UNC79: variants seen among roughly 807,000 people sequenced by gnomAD.
UNC79 encodes the protein unc-79 subunit of NALCN channel complex, also known as protein unc-79 homolog.
A neutral mutation model predicts 283.1 loss-of-function variants in UNC79; 37 were observed. That is an observed-to-expected ratio of 0.13 (90% CI 0.10 to 0.17). The LOEUF (loss-of-function observed/expected upper bound fraction) is 0.17. Among genes scored for constraint, UNC79 ranks in the 10% least tolerant of loss-of-function variants. UNC79 has a pLI of 1.00. For synonymous variants in UNC79, 1,107 were observed against 1,200.2 expected (o/e 0.92, Z 1.61); for missense variants, 2,272 against 3,211.1 (o/e 0.71, Z 7.07).
At chr14:93,512,339 A>G (rs1282765216) in intron 7 of UNC79, among the ~76,000 whole-genome samples, 1 of 151,782 alleles carries the variant, frequency 6.6e-6, no homozygotes, top group African/African-American at 2.4e-5. Context: ...GGTATTTAGT[A>G]CTTTCATTAT....
chr14:93,478,785 A>T (rs929462213), intron 4 of UNC79, among the ~76,000 whole-genome samples: 1 of 152,224 alleles, frequency 6.6e-6, no homozygotes, highest in African/African-American at 2.4e-5. Context: ...AGTGATCATT[A>T]TTCACATTTT....
chr14:93,410,416 G>T (rs541367015), intron 1 of UNC79, among the ~76,000 whole-genome samples: 1 of 152,156 alleles, frequency 6.6e-6, no homozygotes, highest in Non-Finnish European at 1.5e-5. Context: ...GAGTCCTAGT[G>T]CTGAACTGGT....
In UNC79 at chr14:93,593,834, G is replaced by T; in HGVS notation, c.3187G>T (p.Ala1063Ser). 3.7e-6 allele frequency: 6 copies of T among 1,613,202 alleles called. No homozygotes were observed. Among genetic ancestry groups the T allele is most frequent in the Non-Finnish European group, 5.1e-6 (6 of 1,179,500 alleles). The change falls in exon 23 of 49, where the codon GCA (alanine) becomes TCA (serine). Residue 1063 changes from alanine to serine, a missense_variant. This residue lies in a region of UNC79 where 237 missense variants were observed against 378.9 expected (regional missense o/e 0.63). Transcript: ENST00000555664. ...CAAAGACTGGAAGATGAGGTTTGAA[G>T]CAGGTACCTCTGTGTTAGCTTAAAA...
At chr14:93,397,373 A>G (rs2055019746) in intron 1 of UNC79, 1 of 152,224 alleles carries the variant, frequency 6.6e-6, no homozygotes, top group South Asian at 2.1e-4. Flanking sequence ...GAGATCTTCC[A>G]GGGAACTACC....
intron 46 of UNC79, among the ~76,000 whole-genome samples, chr14:93,692,976 C>G (rs1415114295): frequency 6.6e-6 from 1 of 152,066 alleles, no homozygotes; most frequent in African/African-American, 2.4e-5. Context: ...TCCAGTGTAC[C>G]CTGAAACCCA....
intron 1 of UNC79, among the ~76,000 whole-genome samples, chr14:93,466,655 T>C (rs911676269): frequency 6.6e-6 from 1 of 152,182 alleles, no homozygotes; most frequent in Non-Finnish European, 1.5e-5. Flanking sequence ...CAGCAGGCCT[T>C]GCTTCTCCAG....
At chr14:93,369,758 G>C (rs2054405758) in intron 1 of UNC79, among the ~76,000 whole-genome samples, 1 of 152,198 alleles carries the variant, frequency 6.6e-6, no homozygotes, top group African/African-American at 2.4e-5. Context: ...AGAGGGAAAA[G>C]GAACCATTTT....
At chr14:93,389,878 C>T (rs565705207) in intron 1 of UNC79, among the ~76,000 whole-genome samples, 1 of 152,154 alleles carries the variant, frequency 6.6e-6, no homozygotes, top group Admixed American at 6.5e-5. Flanking sequence ...GTCTTGAATT[C>T]CTGACCTCAG....
chr14:93,437,106 T>C (rs578000183), intron 1 of UNC79, among the ~76,000 whole-genome samples: 1 of 152,188 alleles, frequency 6.6e-6, no homozygotes, highest in Non-Finnish European at 1.5e-5. Flanking sequence ...TATATACATA[T>C]ACATTTATGT....
chr14:93,453,904 G>A (rs1477700557), intron 1 of UNC79, among the ~76,000 whole-genome samples: 2 of 152,156 alleles, frequency 1.3e-5, no homozygotes, highest in African/African-American at 4.8e-5. Context: ...TTGACCAATA[G>A]TGCAATAGAA....
chr14:93,471,473 C>T (rs569103766), intron 2 of UNC79, among the ~76,000 whole-genome samples: 1 of 152,086 alleles, frequency 6.6e-6, no homozygotes, highest in African/African-American at 2.4e-5. Flanking sequence ...GCAGGGCATT[C>T]TTAATATTCA....
chr14:93,699,834 T>G, intron 47 of UNC79, among the ~76,000 whole-genome samples: 1 of 152,218 alleles, frequency 6.6e-6, no homozygotes. Flanking sequence ...TGTTCAGTTA[T>G]ATTTGCTATA....
intron 31 of UNC79, among the ~76,000 whole-genome samples, chr14:93,636,157 C>T (rs142430317): frequency 1.3e-5 from 2 of 152,178 alleles, no homozygotes; most frequent in African/African-American, 2.4e-5. Flanking sequence ...AAATTTTAAT[C>T]TAAGAAAATC....
chr14:93,700,275 G>A (rs981320708), intron 47 of UNC79, among the ~76,000 whole-genome samples: 8 of 151,884 alleles, frequency 5.3e-5, no homozygotes, highest in African/African-American at 1.9e-4. Context: ...TCTGGTGCTT[G>A]GGTTTGGTGA....
At chr14:93,671,532 G>C (rs558797687) in intron 40 of UNC79, among the ~76,000 whole-genome samples, 6 of 152,072 alleles carry the variant, frequency 3.9e-5, no homozygotes, top group Non-Finnish European at 8.8e-5. Context: ...CAGCACTTTC[G>C]GAGGCCGAGG....
intron 40 of UNC79, among the ~76,000 whole-genome samples, chr14:93,672,997 C>T (rs1003434253): frequency 6.6e-6 from 1 of 152,144 alleles, no homozygotes; most frequent in Non-Finnish European, 1.5e-5. Flanking sequence ...GTATATGTTT[C>T]TCTCTAAATC....
At chr14:93,568,196 C>T (rs770160362) in intron 14 of UNC79, among the ~76,000 whole-genome samples, 2 of 152,056 alleles carry the variant, frequency 1.3e-5, no homozygotes, top group Non-Finnish European at 2.9e-5. Context: ...CTTAATATAA[C>T]TATTAATGGG....
At chr14:93,600,629 T>C (rs1305332810) in exon 25 of UNC79, 1 of 1,613,856 alleles carries the variant, frequency 6.2e-7, no homozygotes, top group African/African-American at 1.3e-5. Context: ...ACCCACAATT[T>C]TGAGCAAGCT....
chr14:93,686,516 T>A, intron 42 of UNC79, 56 bp from the exon 46 acceptor site: 9 of 1,576,164 alleles, frequency 5.7e-6, no homozygotes, highest in Non-Finnish European at 7.9e-6. Flanking sequence ...AGTGAGGCAA[T>A]CATTGGAGTC....
Sources: gnomAD v4.1 joint callset for allele counts (sites outside exome capture counted in the v4.1 genomes callset) on GRCh38, gnomAD v4.1.1 for gene constraint, gnomAD v4.1.1 regional missense constraint, MANE v1.5 for transcripts, NCBI Gene and HGNC (gene_info 2026-07-23, HGNC 2026-07-21) for gene names.